Variants in RBMS3 observed in about 807,000 individuals in gnomAD.
RBMS3 encodes the protein RNA-binding motif, single-stranded-interacting protein 3.
Under a neutral mutation model 66.8 loss-of-function variants are expected in RBMS3, and 27 were observed. The ratio of observed to expected loss-of-function variants is 0.40; its 90% confidence interval spans 0.30 to 0.56. The LOEUF (loss-of-function observed/expected upper bound fraction) is 0.56. Among genes scored for constraint, RBMS3 ranks in the 20% least tolerant of loss-of-function variants. RBMS3 has a pLI of 0.40. For synonymous variants in RBMS3, 188 were observed against 183.0 expected (o/e 1.03, Z -0.22); for missense variants, 513 against 549.5 (o/e 0.93, Z 0.66).
At chr3:29,520,232 A>G in intron 3 of RBMS3, among the ~76,000 whole-genome samples, 1 of 152,224 alleles carries the variant, frequency 6.6e-6, no homozygotes, top group East Asian at 1.9e-4. Flanking sequence ...CCAAGTTTTA[A>G]AAACCTACTA....
chr3:29,727,396 C>T (rs373393784), intron 4 of RBMS3, among the ~76,000 whole-genome samples: 1 of 152,084 alleles, frequency 6.6e-6, no homozygotes, highest in Non-Finnish European at 1.5e-5. Context: ...AGCTTCTGCA[C>T]AGCAAAAGAA....
At chr3:29,926,332 A>C (rs6771161) in intron 10 of RBMS3, among the ~76,000 whole-genome samples, 83,378 of 151,988 alleles carry the variant, frequency 0.55, 24,532 homozygotes, top group Non-Finnish European at 0.67. Flanking sequence ...AAATATCTTA[A>C]AGGAGAAAAA....
intron 11 of RBMS3, among the ~76,000 whole-genome samples, chr3:29,942,823 T>C (rs939310707): frequency 6.6e-6 from 1 of 151,504 alleles, no homozygotes; most frequent in Non-Finnish European, 1.5e-5. Context: ...TTTTTTTTTT[T>C]TGGTTTGGAG....
intron 8 of RBMS3, among the ~76,000 whole-genome samples, chr3:29,891,324 T>C (rs567531106): frequency 6.6e-6 from 1 of 151,784 alleles, no homozygotes; most frequent in South Asian, 2.1e-4. Context: ...CCTGAATCTA[T>C]CCAAGTTATC....
intron 10 of RBMS3, among the ~76,000 whole-genome samples, chr3:29,932,880 G>A (rs1411667557): frequency 6.6e-6 from 1 of 152,088 alleles, no homozygotes; most frequent in Non-Finnish European, 1.5e-5. Flanking sequence ...CAGAACTAGG[G>A]CAACCAGATC....
chr3:29,495,123 A>G (rs2043692928), intron 3 of RBMS3, among the ~76,000 whole-genome samples: 1 of 152,150 alleles, frequency 6.6e-6, no homozygotes, highest in Non-Finnish European at 1.5e-5. Flanking sequence ...AAATAAAATC[A>G]TAAATTGTTA....
chr3:29,986,858 G>A (rs979066313), intron 12 of RBMS3, among the ~76,000 whole-genome samples: 6 of 152,040 alleles, frequency 3.9e-5, no homozygotes, highest in Non-Finnish European at 7.4e-5. Context: ...CATGAGAATC[G>A]CTTGAACCCT....
At chr3:29,723,444 T>C (rs1391167379) in intron 4 of RBMS3, among the ~76,000 whole-genome samples, 10 of 152,208 alleles carry the variant, frequency 6.6e-5, no homozygotes, top group Non-Finnish European at 1.5e-4. Flanking sequence ...GTAATTCACT[T>C]ATATAAGAAG....
intron 4 of RBMS3, among the ~76,000 whole-genome samples, chr3:29,613,950 A>G (rs1379522): frequency 0.64 from 97,032 of 151,950 alleles, 31,581 homozygotes; most frequent in Middle Eastern, 0.73. Flanking sequence ...TTGAACTACC[A>G]TGTGATCCAG....
At chr3:29,889,310 T>C (rs1401445993) in intron 8 of RBMS3, among the ~76,000 whole-genome samples, 1 of 151,688 alleles carries the variant, frequency 6.6e-6, no homozygotes. Context: ...AACTACGTAA[T>C]AATATACTTT....
At chr3:29,786,358 A>G (rs932850874) in intron 6 of RBMS3, among the ~76,000 whole-genome samples, 1 of 152,150 alleles carries the variant, frequency 6.6e-6, no homozygotes, top group African/African-American at 2.4e-5. Context: ...TAAAATTCAT[A>G]TGGAACCAAA....
chr3:29,646,197 G>A (rs1007528795), intron 4 of RBMS3, among the ~76,000 whole-genome samples: 2 of 152,198 alleles, frequency 1.3e-5, no homozygotes, highest in Non-Finnish European at 2.9e-5. Context: ...TTACATAAAG[G>A]TAGTGGCTTC....
At chr3:29,609,945 G>C (rs1297084248) in intron 4 of RBMS3, among the ~76,000 whole-genome samples, 1 of 152,020 alleles carries the variant, frequency 6.6e-6, no homozygotes, top group African/African-American at 2.4e-5. Flanking sequence ...TGAGGTGCAC[G>C]TAGAGCTTTT....
At chr3:29,982,100 A>G (rs1339652416) in intron 12 of RBMS3, among the ~76,000 whole-genome samples, 1 of 151,990 alleles carries the variant, frequency 6.6e-6, no homozygotes, top group Admixed American at 6.6e-5. Flanking sequence ...TCAGTTTCAG[A>G]ACTTGTTATT....
At position 29,712,416 on chromosome 3, in the gene RBMS3, GAT is replaced by G. The variant is rs534539704; in HGVS notation, c.400-27303_400-27302del. Among the ~76,000 whole-genome samples the G allele has an allele frequency of 2.9e-3, 439 of 152,184 alleles. 1 individual carries two copies. Among genetic ancestry groups the G allele is most frequent in the African/African-American group, 9.9e-3 (410 of 41,518 alleles). On this transcript the variant is annotated intron_variant, in intron 4 of 14. Coordinates refer to ENST00000383767, the MANE Select transcript of RBMS3 (RefSeq NM_001003793.3). ...CAACCTCTGCTTCCCAGGCTCAAGT[GAT>G]CCTCCTACGTCAGCCTCCCAAGTAG...
intron 4 of RBMS3, among the ~76,000 whole-genome samples, chr3:29,587,606 G>A (rs1250447778): frequency 6.6e-6 from 1 of 151,704 alleles, no homozygotes; most frequent in Non-Finnish European, 1.5e-5. Flanking sequence ...CAGTTTTAGA[G>A]TAGTAGAATT....
At chr3:29,495,989 T>G in intron 3 of RBMS3, among the ~76,000 whole-genome samples, 1 of 152,132 alleles carries the variant, frequency 6.6e-6, no homozygotes, top group Non-Finnish European at 1.5e-5. Flanking sequence ...TCTTTTCTAG[T>G]ACCTTTATTT....
rs189495623 is a variant in RBMS3 at position 29,813,865 on chromosome 3, T to C, written c.637+50876T>C. Among the ~76,000 whole-genome samples, 41 of 152,316 alleles carry C rather than the reference T, an allele frequency of 2.7e-4. 2 individuals carry two copies. In the East Asian group the frequency reaches 7.5e-3, roughly 28 times the overall value. On this transcript the variant is annotated intron_variant, in intron 6 of 14. Transcript: ENST00000383767. ...GACTTTGCTGAATTTGCTTATCCGC[T>C]TAAGGAGATTTTGGGCTGAGACAAT... is the stretch of plus-strand genomic sequence containing the variant.
At chr3:29,860,160 T>G (rs536020098) in intron 6 of RBMS3, among the ~76,000 whole-genome samples, 1 of 152,318 alleles carries the variant, frequency 6.6e-6, no homozygotes, top group South Asian at 2.1e-4. Flanking sequence ...CAAATCAGTA[T>G]AAACTACTTC....
Sources: gnomAD v4.1 joint callset for allele counts (sites outside exome capture counted in the v4.1 genomes callset) on GRCh38, gnomAD v4.1.1 for gene constraint, MANE v1.5 for transcripts, NCBI Gene and HGNC (gene_info 2026-07-23, HGNC 2026-07-21) for gene names.